Variants in FAM185A observed in about 807,000 individuals in gnomAD.
FAM185A encodes protein FAM185A.
Under a neutral mutation model 45.7 loss-of-function variants are expected in FAM185A, and 21 were observed. The ratio of observed to expected loss-of-function variants is 0.46; its 90% CI spans 0.33 to 0.66. FAM185A has a LOEUF of 0.66. Ranked by LOEUF, FAM185A falls within the 30% of genes least tolerant of loss-of-function variation. The pLI is 0.03. For missense variants in FAM185A, 305 were observed against 485.4 expected, an observed-to-expected ratio of 0.63 and a Z score of 3.49; for synonymous variants, 117 against 194.0, an observed-to-expected ratio of 0.60 and a Z score of 3.30.
rs895274445 is a variant in FAM185A at position 102,749,335 on chromosome 7, G to C, written c.128G>C (p.Gly43Ala). The change falls in exon 1 of 8, where the codon GGG becomes GCG. Residue 43 changes from glycine to alanine, a missense_variant. Gly to Ala is a moderately conservative substitution (Grantham distance 60, BLOSUM62 0). This residue lies in a region of FAM185A where 174 missense variants were observed against 247.1 expected (regional missense o/e 0.70). Coordinates refer to ENST00000413034, the MANE Select transcript of FAM185A (RefSeq NM_001145268.2). ...ACQARPYSSG[G>A]SERWPGSETE... is the part of the protein sequence containing the mutation. ...CAAGCCAGGCCGTACAGCTCAGGTG[G>C]GAGCGAGCGCTGGCCCGGATCGGAG... 62 of 1,549,388 alleles carry C rather than the reference G, an allele frequency of 4.0e-5. No individual in the cohort carries two copies. The highest frequency in any genetic ancestry group is 5.5e-5 in the African/African-American group (4 of 73,024).
intron 4 of FAM185A, among the ~76,000 whole-genome samples, chr7:102,768,701 T>C (rs1176138579): frequency 1.3e-5 from 2 of 151,978 alleles, no homozygotes; most frequent in Non-Finnish European, 2.9e-5. Flanking sequence ...GATTACATTT[T>C]TTTTTCCTCT....
intron 6 of FAM185A, among the ~76,000 whole-genome samples, chr7:102,782,608 T>A (rs1199653683): frequency 6.6e-6 from 1 of 152,126 alleles, no homozygotes; most frequent in Non-Finnish European, 1.5e-5. Flanking sequence ...GCTGAGAGAT[T>A]TTGTCACCAA....
At chr7:102,754,223 C>T (rs1456653049) in intron 2 of FAM185A, among the ~76,000 whole-genome samples, 35 of 150,586 alleles carry the variant, frequency 2.3e-4, no homozygotes, top group African/African-American at 6.4e-4. Context: ...TTTTTTGAGG[C>T]GGAGTCTCAC....
chr7:102,757,153 C>T (rs1793798841), intron 2 of FAM185A, among the ~76,000 whole-genome samples: 4 of 150,824 alleles, frequency 2.7e-5, no homozygotes, highest in East Asian at 3.9e-4. Flanking sequence ...GTTTTGTGCT[C>T]GGAGGCATTT....
intron 2 of FAM185A, among the ~76,000 whole-genome samples, chr7:102,752,603 C>A (rs912384573): frequency 7.1e-6 from 1 of 140,940 alleles, no homozygotes; most frequent in East Asian, 2.1e-4. Context: ...TTAGTGTTTT[C>A]TTTGTAGAGA....
chr7:102,784,144 A>C (rs574669837), intron 6 of FAM185A, among the ~76,000 whole-genome samples: 4 of 152,026 alleles, frequency 2.6e-5, no homozygotes, highest in Non-Finnish European at 5.9e-5. Flanking sequence ...GAAGAAGTTG[A>C]ATCTCTGAAT....
At chr7:102,786,479 C>G (rs1288452971) in intron 6 of FAM185A, among the ~76,000 whole-genome samples, 1 of 152,186 alleles carries the variant, frequency 6.6e-6, no homozygotes, top group Non-Finnish European at 1.5e-5. Context: ...ACATATACAC[C>G]ATGGGATACT....
chr7:102,804,157 A>G (rs1030595301), intron 7 of FAM185A, among the ~76,000 whole-genome samples: 2 of 152,190 alleles, frequency 1.3e-5, no homozygotes, highest in African/African-American at 2.4e-5. Context: ...AACCACCATC[A>G]TTCTTCACAG....
downstream of FAM185A, chr7:102,813,636 G>A (rs1470919818): frequency 8.8e-7 from 1 of 1,134,242 alleles, no homozygotes. Context: ...GTCACAATCT[G>A]AATTCACATG....
downstream of FAM185A, among the ~76,000 whole-genome samples, chr7:102,811,832 GCCTGTGTGC>G (rs1797452504): frequency 6.6e-6 from 1 of 152,080 alleles, no homozygotes; most frequent in African/African-American, 2.4e-5. Flanking sequence ...TGATTCTGTT[GCCTGTGTGC>G]CCACTCCTAG....
At chr7:102,802,719 T>C (rs1459795592) in intron 7 of FAM185A, among the ~76,000 whole-genome samples, 2 of 139,126 alleles carry the variant, frequency 1.4e-5, no homozygotes. Context: ...CTAAATGAAA[T>C]TGAAACAAAC....
At chr7:102,825,857 T>C in the FAM185A span, among the ~76,000 whole-genome samples, 1 of 152,234 alleles carries the variant, frequency 6.6e-6, no homozygotes, top group Non-Finnish European at 1.5e-5. Context: ...TCTGGCACTA[T>C]TTAATTGTGA....
intron 5 of FAM185A, among the ~76,000 whole-genome samples, chr7:102,776,467 G>A (rs1795064959): frequency 6.6e-6 from 1 of 152,074 alleles, no homozygotes; most frequent in Non-Finnish European, 1.5e-5. Context: ...ACAAATCAGG[G>A]TTACCTTAAT....
intron 4 of FAM185A, among the ~76,000 whole-genome samples, chr7:102,765,493 C>T (rs191959621): frequency 6.6e-6 from 1 of 151,600 alleles, no homozygotes; most frequent in Non-Finnish European, 1.5e-5. Flanking sequence ...TTTTTATATA[C>T]CCTGATGGCA....
the FAM185A span, among the ~76,000 whole-genome samples, chr7:102,834,078 A>AAGGAAGGAAGGAAGGG: frequency 8.9e-6 from 1 of 112,752 alleles, no homozygotes; most frequent in Non-Finnish European, 1.7e-5. Flanking sequence ...GGAAGGAAGG[A>AAGGAAGGAAGGAAGGG]AGGAAAGAAA....
chr7:102,814,069 C>T (rs538958575), downstream of FAM185A, among the ~76,000 whole-genome samples: 53 of 152,070 alleles, frequency 3.5e-4, no homozygotes, highest in South Asian at 1.7e-3. Context: ...AACACTATAA[C>T]ACAGTATTAA....
At chr7:102,786,050 C>T (rs1413930451) in intron 6 of FAM185A, among the ~76,000 whole-genome samples, 1 of 152,266 alleles carries the variant, frequency 6.6e-6, no homozygotes, top group East Asian at 1.9e-4. Flanking sequence ...CAAAAGAAGA[C>T]ATTTATGCAG....
chr7:102,793,156 G>GAGTT lies in FAM185A; in HGVS notation c.1066+5689_1066+5692dup, dbSNP rs1796236653. Among the ~76,000 whole-genome samples the GAGTT allele has an allele frequency of 3.9e-5, 6 of 152,240 alleles. No homozygotes were observed. In the South Asian group the frequency reaches 1.0e-3, roughly 26 times the overall value. On this transcript the variant is annotated intron_variant, in intron 7 of 7. Transcript: ENST00000413034. ...ATCTGCTTAAAAATACTTTGACAGG[G>GAGTT]AGTTAATGTAGGAACTGTTTTCACG...
At chr7:102,783,002 A>G (rs1181546358) in intron 6 of FAM185A, among the ~76,000 whole-genome samples, 1 of 151,804 alleles carries the variant, frequency 6.6e-6, no homozygotes, top group African/African-American at 2.4e-5. Context: ...TTGCAATCCT[A>G]GTCTCTGATA....
Sources: allele counts gnomAD v4.1 joint callset (sites outside exome capture counted in the v4.1 genomes callset), GRCh38; gene constraint gnomAD v4.1.1; regional missense constraint gnomAD v4.1.1; transcripts MANE v1.5; gene names NCBI Gene and HGNC (gene_info 2026-07-23, HGNC 2026-07-21).